Variants in PLD1 observed in about 807,000 individuals in gnomAD.
PLD1 encodes phospholipase D1.
In PLD1, 112 loss-of-function variants were observed where a neutral mutation model predicts 137.1. The ratio of observed to expected loss-of-function variants is 0.82; its 90% confidence interval spans 0.70 to 0.96. The LOEUF is 0.96. PLD1 is among the 40% of genes least tolerant of loss of function. The probability of loss-of-function intolerance (pLI) is 0.00; values close to 1 mark genes in which losing one functional copy is unlikely to be tolerated. For missense variants in PLD1, 1,321 were observed against 1,342.0 expected, an observed-to-expected ratio of 0.98 and a Z score of 0.24; for synonymous variants, 431 against 454.7, an observed-to-expected ratio of 0.95 and a Z score of 0.66.
chr3:171,660,528 T>C (rs1737577087), intron 20 of PLD1, among the ~76,000 whole-genome samples: 4 of 152,242 alleles, frequency 2.6e-5, no homozygotes. Flanking sequence ...GTCCCAACTA[T>C]GTATACCTAC....
At chr3:171,759,748 A>T (rs747898159) in intron 1 of PLD1, among the ~76,000 whole-genome samples, 22 of 152,230 alleles carry the variant, frequency 1.4e-4, no homozygotes, top group Non-Finnish European at 3.1e-4. Flanking sequence ...CTAATTGTTT[A>T]GTTAATATTT....
At chr3:171,792,428 A>G (rs1399976895) in intron 1 of PLD1, 4 of 365,782 alleles carry the variant, frequency 1.1e-5, no homozygotes, top group African/African-American at 2.1e-5. Flanking sequence ...TATTCTGGGA[A>G]TGCAGATGGA....
chr3:171,764,606 T>C (rs1721677574), intron 1 of PLD1, among the ~76,000 whole-genome samples: 1 of 151,842 alleles, frequency 6.6e-6, no homozygotes, highest in African/African-American at 2.4e-5. Context: ...CAAAAACAAG[T>C]CATTTAATCC....
chr3:171,647,825 C>T (rs1736394482), intron 21 of PLD1, among the ~76,000 whole-genome samples: 2 of 152,094 alleles, frequency 1.3e-5, no homozygotes. Flanking sequence ...ATTCCCAAAC[C>T]TTTTCAACAT....
intron 5 of PLD1, among the ~76,000 whole-genome samples, 176 bp downstream of exon 5, chr3:171,734,689 A>G (rs1719216310): frequency 1.3e-5 from 2 of 152,152 alleles, no homozygotes; most frequent in Admixed American, 6.5e-5. Context: ...AATGCACTGT[A>G]TGGCTTGGGG....
intron 8 of PLD1, among the ~76,000 whole-genome samples, chr3:171,724,475 TG>T (rs1255781844): frequency 6.6e-6 from 1 of 152,240 alleles, no homozygotes; most frequent in East Asian, 1.9e-4. Context: ...GTGCGTTCTT[TG>T]TCCTTGGGTT....
intron 1 of PLD1, among the ~76,000 whole-genome samples, chr3:171,773,646 T>G (rs988288906): frequency 6.6e-6 from 1 of 152,154 alleles, no homozygotes; most frequent in African/African-American, 2.4e-5. Flanking sequence ...TGAATAAGGA[T>G]AGCTATTATA....
chr3:171,793,511 T>C (rs1025741113), intron 1 of PLD1: 2 of 152,238 alleles, frequency 1.3e-5, no homozygotes, highest in Non-Finnish European at 2.9e-5. Context: ...TGTGGTTTCA[T>C]GTAACTAAAA....
intron 12 of PLD1, 88 bp from the exon 13 acceptor site, chr3:171,692,530 T>G (rs1485620337): frequency 1.4e-6 from 1 of 720,672 alleles, no homozygotes; most frequent in African/African-American, 1.8e-5. Context: ...TGTACTTTCT[T>G]TCTTTTTTTT....
rs1560289739 is a variant in PLD1, at chr3:171,764,958, GAAAGAAAGAAAGAAAGAAAGAAA to G, written c.-31-26899_-31-26877del. On this transcript the variant is annotated intron_variant, in intron 1 of 26. Coordinates refer to ENST00000351298, the MANE Select transcript of PLD1 (RefSeq NM_002662.5). ...GGAAAGAAAGAAAGAAAGAAAGAAAGAAAGAAAGAAAGAAAGAAAGAAAGAAAGAAAGAAAGAAAGAAAGAAAG... is the reference window on the plus strand; with the variant it reads ...GGAAAGAAAGAAAGAAAGAAAGAAAGGAAAGAAAGAAAGAAAGAAAGAAAG... 9.1e-4 allele frequency among the ~76,000 whole-genome samples: 56 copies of G among 61,418 alleles called. 3 individuals are homozygous for G. The highest frequency in any genetic ancestry group is 2.6e-3 in the African/African-American group (53 of 20,052). 40.3% of individuals were successfully genotyped at this position (61,418 alleles called of 152,430 possible).
At position 171,734,916 on chromosome 3, in the gene PLD1, C is replaced by T. The variant is rs201004773; in HGVS notation, c.489G>A (p.Leu163=). ...TTATCATGTTTTCAGATGAACGGGG[C>T]AAACTGGGCATCTCTCGAGGCTCCT... ...VREEPREMPS[L]PRSSENMIRE... Residue 163 remains leucine (L), a synonymous_variant, in exon 5 of 27, where the codon TTG becomes TTA. Coordinates refer to ENST00000351298, the MANE Select transcript of PLD1 (RefSeq NM_002662.5). The T allele has an allele frequency of 1.7e-5, 28 of 1,613,556 alleles. No individual in the cohort carries two copies. The highest frequency in any genetic ancestry group is 3.3e-4 in the Middle Eastern group (2 of 6,058).
intron 1 of PLD1, among the ~76,000 whole-genome samples, chr3:171,806,445 G>A (rs1723851758): frequency 6.6e-6 from 1 of 152,208 alleles, no homozygotes; most frequent in Non-Finnish European, 1.5e-5. Flanking sequence ...ACAGGCTTAT[G>A]GGAAAGTTAG....
chr3:171,687,628 G>A, intron 14 of PLD1, 44 bp from the exon 15 acceptor site: 1 of 1,252,260 alleles, frequency 8.0e-7, no homozygotes, highest in Non-Finnish European at 1.2e-6. Flanking sequence ...CATAAGACAT[G>A]CTGCAGTGTG....
At chr3:171,707,978 C>CT (rs1195832655) in intron 11 of PLD1, among the ~76,000 whole-genome samples, 4 of 152,108 alleles carry the variant, frequency 2.6e-5, no homozygotes, top group Non-Finnish European at 5.9e-5. Flanking sequence ...TATAAGGTAC[C>CT]TTTTGGAAGA....
chr3:171,733,546 T>C (rs767685312), intron 5 of PLD1, 37 bp from the exon 6 acceptor site: 2 of 781,434 alleles, frequency 2.6e-6, no homozygotes, highest in South Asian at 1.5e-5. Flanking sequence ...GTTAACATGG[T>C]CATATTTATT....
At chr3:171,609,507 A>AAC (rs371080467) in intron 25 of PLD1, among the ~76,000 whole-genome samples, 6,737 of 136,848 alleles carry the variant, frequency 0.049, 162 homozygotes, top group East Asian at 0.094. Flanking sequence ...ACATAAAGAA[A>AAC]ACACACACAC....
intron 21 of PLD1, among the ~76,000 whole-genome samples, chr3:171,656,931 T>A (rs370289639): frequency 6.6e-6 from 1 of 152,082 alleles, no homozygotes; most frequent in African/African-American, 2.4e-5. Flanking sequence ...GGCTGGTCAA[T>A]AGGGGAAGGG....
At chr3:171,625,072 C>A (rs1382993189) in intron 23 of PLD1, among the ~76,000 whole-genome samples, 3 of 150,894 alleles carry the variant, frequency 2.0e-5, no homozygotes, top group Admixed American at 6.6e-5. Context: ...AAAAAAAAAA[C>A]AAAACCCTGA....
intron 11 of PLD1, among the ~76,000 whole-genome samples, chr3:171,704,380 AC>A (rs1461977911): frequency 6.6e-6 from 1 of 151,990 alleles, no homozygotes; most frequent in Non-Finnish European, 1.5e-5. Context: ...CAGGATTCAA[AC>A]AAGACTCAAG....
Sources: gnomAD v4.1 joint callset for allele counts (sites outside exome capture counted in the v4.1 genomes callset) on GRCh38, gnomAD v4.1.1 for gene constraint, MANE v1.5 for transcripts, NCBI Gene and HGNC (gene_info 2026-07-23, HGNC 2026-07-21) for gene names.